SNX14: variants seen among roughly 807,000 people sequenced by gnomAD.
SNX14 encodes the protein sorting nexin 14.
A neutral mutation model predicts 133.8 loss-of-function variants in SNX14; 93 were observed. The ratio of observed to expected loss-of-function variants is 0.70; its 90% CI spans 0.59 to 0.83. The LOEUF is 0.83. SNX14 is among the 40% of genes least tolerant of loss of function. SNX14 has a pLI of 0.00. For synonymous variants in SNX14, 368 were observed against 365.6 expected (o/e 1.01, Z -0.07); for missense variants, 945 against 1,094.9 (o/e 0.86, Z 1.93).
chr6:85,573,620 C>T (rs1265630992), intron 2 of SNX14, among the ~76,000 whole-genome samples: 8 of 152,178 alleles, frequency 5.3e-5, no homozygotes, highest in Non-Finnish European at 1.2e-4. Flanking sequence ...ATATAAACTG[C>T]CTAATTATAT....
intron 13 of SNX14, 51 bp from the exon 14 acceptor site, chr6:85,543,357 T>A: frequency 6.9e-7 from 1 of 1,459,276 alleles, no homozygotes; most frequent in East Asian, 2.5e-5. Flanking sequence ...CATAAATATA[T>A]ACAGTTCTAA....
At chr6:85,558,402 TAAGAAATTAGTTGA>T (rs1790444053) in intron 6 of SNX14, among the ~76,000 whole-genome samples, 1 of 152,236 alleles carries the variant, frequency 6.6e-6, no homozygotes, top group African/African-American at 2.4e-5. Context: ...TTGTGATTAG[TAAGAAATTAGTTGA>T]AAATGAACTT....
intron 26 of SNX14, 142 bp from the exon 27 acceptor site, chr6:85,508,201 A>G (rs1014352235): frequency 3.7e-6 from 5 of 1,353,388 alleles, no homozygotes; most frequent in East Asian, 5.5e-5. Context: ...CAGTGTTTCT[A>G]TAAGAGGCTC....
At chr6:85,523,597 C>T (rs1777575083) in intron 21 of SNX14, among the ~76,000 whole-genome samples, 1 of 152,060 alleles carries the variant, frequency 6.6e-6, no homozygotes. Flanking sequence ...CACGGTGAAA[C>T]CCCATCTCTA....
intron 23 of SNX14, among the ~76,000 whole-genome samples, chr6:85,516,745 C>A (rs1015886738): frequency 1.2e-4 from 18 of 150,688 alleles, no homozygotes; most frequent in African/African-American, 3.9e-4. Flanking sequence ...TCAAGCGACT[C>A]TCCTGCCTCG....
chr6:85,585,615 A>G (rs1467325724), intron 1 of SNX14, among the ~76,000 whole-genome samples: 1 of 152,230 alleles, frequency 6.6e-6, no homozygotes, highest in Non-Finnish European at 1.5e-5. Flanking sequence ...GGAGGTTAGT[A>G]GGGTACCAAT....
chr6:85,582,217 G>A (rs9444354), intron 1 of SNX14, among the ~76,000 whole-genome samples: 70,562 of 151,846 alleles, frequency 0.46, 17,759 homozygotes, highest in Middle Eastern at 0.59. Flanking sequence ...TATTTAAAGC[G>A]CTGAAGGAAA....
At chr6:85,526,097 T>G (rs1778405106) in intron 21 of SNX14, 29 bp downstream of exon 21, 1 of 1,375,160 alleles carries the variant, frequency 7.3e-7, no homozygotes, top group South Asian at 1.3e-5. Context: ...CAGCTTATTA[T>G]CTTATAATGA....
chr6:85,519,653 G>A (rs953618015), intron 21 of SNX14, among the ~76,000 whole-genome samples: 4 of 151,876 alleles, frequency 2.6e-5, no homozygotes, highest in Admixed American at 6.6e-5. Context: ...GGCGGATCCC[G>A]AGGTCAGGAG....
intron 4 of SNX14, among the ~76,000 whole-genome samples, chr6:85,569,718 T>C (rs149432638): frequency 1.1e-4 from 16 of 152,322 alleles, no homozygotes; most frequent in African/African-American, 3.6e-4. Flanking sequence ...AGAAAATTAT[T>C]AAAATTCTAA....
chr6:85,508,479 G>T, intron 26 of SNX14: 1 of 734,856 alleles, frequency 1.4e-6, no homozygotes, highest in Non-Finnish European at 1.7e-6. Context: ...AACACCCAAT[G>T]TAGGATAAGC....
intron 7 of SNX14, among the ~76,000 whole-genome samples, chr6:85,555,918 G>A (rs1789590244): frequency 6.6e-6 from 1 of 152,122 alleles, no homozygotes; most frequent in African/African-American, 2.4e-5. Context: ...AACCTGGGAA[G>A]TGGAGGTTGC....
chr6:85,530,258 G>A lies in SNX14; in HGVS notation c.1828C>T (p.His610Tyr). ...DRRAVGHEPE[H>Y]WSVYRRYLEF... ...AGATATCTTCTATAGACAGACCAAT[G>A]TTCAGGCTCGTGTCCAACTGTAAAT... Residue 610 changes from histidine to tyrosine, a missense_variant, in exon 19 of 29, where the codon CAT (histidine) becomes TAT (tyrosine). Coordinates refer to ENST00000314673, the MANE Select transcript of SNX14 (RefSeq NM_153816.6). 6.3e-7 allele frequency: 1 copy of A among 1,599,116 alleles called. No homozygotes were observed. Among genetic ancestry groups the A allele is most frequent in the Non-Finnish European group, 8.5e-7 (1 of 1,172,956 alleles).
intron 4 of SNX14, chr6:85,568,492 A>C (rs1013181325): frequency 1.3e-5 from 2 of 152,232 alleles, no homozygotes; most frequent in African/African-American, 4.8e-5. Context: ...CTGTACACTC[A>C]AATCAGTACA....
intron 1 of SNX14, among the ~76,000 whole-genome samples, chr6:85,585,383 A>G (rs1800476341): frequency 6.6e-6 from 1 of 152,106 alleles, no homozygotes; most frequent in Non-Finnish European, 1.5e-5. Context: ...TTAAAGTATA[A>G]TTAAAAAAAA....
At position 85,537,152 on chromosome 6, in the gene SNX14, ATATT is replaced by A. The variant is rs577210740; in HGVS notation, c.1476-232_1476-229del. The A allele has an allele frequency of 1.7e-3, 594 of 354,786 alleles. 10 individuals are homozygous for A. Among genetic ancestry groups the A allele is most frequent in the African/African-American group, 0.011 (546 of 48,062 alleles). 22.0% of individuals were successfully genotyped at this position (354,786 alleles called of 1,614,324 possible). A position where few individuals can be genotyped will look rare whatever the true frequency, so the allele number is the denominator to read the frequency against. ...ATTTGGTGGATGAATAAATGGGACAATATTTATTTATAAACACTCAAAATTTACC... is the reference window on the plus strand; with the variant it reads ...ATTTGGTGGATGAATAAATGGGACAATATTTATAAACACTCAAAATTTACC... On this transcript the variant is annotated intron_variant, in intron 16 of 28. Transcript: ENST00000314673.
chr6:85,564,567 C>T (rs889319544), intron 6 of SNX14, among the ~76,000 whole-genome samples: 2 of 152,144 alleles, frequency 1.3e-5, no homozygotes, highest in Non-Finnish European at 2.9e-5. Context: ...CTAATTTCTA[C>T]AAACCAAGAT....
At chr6:85,586,954 A>G (rs1801067883) in intron 1 of SNX14, among the ~76,000 whole-genome samples, 1 of 152,178 alleles carries the variant, frequency 6.6e-6, no homozygotes, top group Non-Finnish European at 1.5e-5. Flanking sequence ...GATGAGGCAC[A>G]AGAATTCCTT....
At chr6:85,550,836 C>G (rs370359638) in intron 7 of SNX14, among the ~76,000 whole-genome samples, 1 of 151,428 alleles carries the variant, frequency 6.6e-6, no homozygotes, top group South Asian at 2.1e-4. Context: ...CAGGCTGGAA[C>G]GCAATGGCAT....
Sources: gnomAD v4.1 joint callset for allele counts (sites outside exome capture counted in the v4.1 genomes callset) on GRCh38, gnomAD v4.1.1 for gene constraint, MANE v1.5 for transcripts, NCBI Gene and HGNC (gene_info 2026-07-23, HGNC 2026-07-21) for gene names.